The following KITLG variants were observed in gnomAD, a reference collection of about 807,000 sequenced individuals.
KITLG encodes KIT ligand.
Under a neutral mutation model 34.1 loss-of-function variants are expected in KITLG, and 13 were observed. That is an observed-to-expected ratio of 0.38 (90% CI 0.25 to 0.61). KITLG has a LOEUF of 0.61. Ranked by LOEUF, KITLG falls within the 20% of genes least tolerant of loss-of-function variation. The pLI is 0.60. For missense variants in KITLG, 292 were observed against 318.9 expected, an observed-to-expected ratio of 0.92 and a Z score of 0.64; for synonymous variants, 110 against 104.0, an observed-to-expected ratio of 1.06 and a Z score of -0.35.
chr12:88,505,514 T>C (rs891164988), intron 8 of KITLG, among the ~76,000 whole-genome samples: 2 of 152,146 alleles, frequency 1.3e-5, no homozygotes, highest in Non-Finnish European at 2.9e-5. Flanking sequence ...TGTGTATACA[T>C]ACAGGCATGA....
At position 88,537,748 on chromosome 12, in the gene KITLG, T is replaced by C. The variant is rs182103738; in HGVS notation, c.130-5245A>G. Among the ~76,000 whole-genome samples the C allele has an allele frequency of 8.5e-5, 13 of 152,232 alleles. 1 individual carries two copies. The East Asian group carries it at 2.1e-3, about 25-fold the overall frequency. On this transcript the variant is annotated intron_variant, in intron 2 of 9. Coordinates refer to ENST00000644744, the MANE Select transcript of KITLG (RefSeq NM_000899.5). ...GTAGGAAATATTCAACCCCGTAGTA[T>C]ATTGACTCACCTTCCAGAAAGCACA...
At chr12:88,505,980 GAC>G (rs906189444) in intron 8 of KITLG, among the ~76,000 whole-genome samples, 5 of 152,320 alleles carry the variant, frequency 3.3e-5, no homozygotes, top group South Asian at 4.1e-4. Context: ...GTGTGGAAAA[GAC>G]AGAACATGAG....
chr12:88,494,783 G>T lies in KITLG; in HGVS notation c.*2436C>A, dbSNP rs937028284. ...TCCAAGATGGAACTGTCAGATACATGGCACCAACTGAAAAGGCGATTTCAT... is the reference window on the plus strand; with the variant it reads ...TCCAAGATGGAACTGTCAGATACATTGCACCAACTGAAAAGGCGATTTCAT... On this transcript the variant is annotated 3_prime_UTR_variant, in exon 10 of 10. Coordinates refer to ENST00000644744, the MANE Select transcript of KITLG (RefSeq NM_000899.5). The T allele has an allele frequency of 2.6e-5, 4 of 152,098 alleles. No homozygotes were observed. The highest frequency in any genetic ancestry group is 9.7e-5 in the African/African-American group (4 of 41,400). 9.4% of individuals were successfully genotyped at this position (152,098 alleles called of 1,614,324 possible). A position where few individuals can be genotyped will look rare whatever the true frequency, so the allele number is the denominator to read the frequency against.
chr12:88,526,454 G>C (rs1176255713), intron 3 of KITLG, among the ~76,000 whole-genome samples: 1 of 152,076 alleles, frequency 6.6e-6, no homozygotes, highest in Admixed American at 6.6e-5. Flanking sequence ...TATATGGTAG[G>C]GAAATTTTCT....
chr12:88,555,221 C>A (rs1309905217), intron 1 of KITLG, among the ~76,000 whole-genome samples: 1 of 152,116 alleles, frequency 6.6e-6, no homozygotes, highest in Non-Finnish European at 1.5e-5. Flanking sequence ...AATAATCAGT[C>A]CTCGTTCTAC....
intron 3 of KITLG, among the ~76,000 whole-genome samples, chr12:88,519,990 C>G (rs117945932): frequency 6.6e-6 from 1 of 152,236 alleles, no homozygotes; most frequent in Non-Finnish European, 1.5e-5. Flanking sequence ...AACTGTTTTA[C>G]TTAATATAAT....
chr12:88,535,459 A>G (rs1448257172), intron 2 of KITLG, among the ~76,000 whole-genome samples: 1 of 152,192 alleles, frequency 6.6e-6, no homozygotes, highest in Non-Finnish European at 1.5e-5. Flanking sequence ...ATGGAAACTC[A>G]GAGAGGTTAA....
At chr12:88,555,491 C>T (rs988934436) in intron 1 of KITLG, among the ~76,000 whole-genome samples, 1 of 152,034 alleles carries the variant, frequency 6.6e-6, no homozygotes, top group African/African-American at 2.4e-5. Context: ...AAATACTAGG[C>T]CAGTTAGATA....
chr12:88,529,465 T>C (rs1319845124), intron 3 of KITLG, among the ~76,000 whole-genome samples: 1 of 152,202 alleles, frequency 6.6e-6, no homozygotes, highest in Admixed American at 6.5e-5. Flanking sequence ...CTGCTATTTG[T>C]GAGACAGAAT....
chr12:88,570,080 C>G (rs1387578866), intron 1 of KITLG, among the ~76,000 whole-genome samples: 1 of 152,114 alleles, frequency 6.6e-6, no homozygotes, highest in Non-Finnish European at 1.5e-5. Context: ...GATAAAAGTA[C>G]TTTCTGAAGT....
intron 1 of KITLG, among the ~76,000 whole-genome samples, chr12:88,557,773 T>C (rs773399723): frequency 6.6e-6 from 1 of 152,154 alleles, no homozygotes; most frequent in Non-Finnish European, 1.5e-5. Flanking sequence ...ATGAAAGTTC[T>C]GAAATCTGCA....
At chr12:88,560,548 G>A (rs1021462543) in intron 1 of KITLG, among the ~76,000 whole-genome samples, 1 of 152,178 alleles carries the variant, frequency 6.6e-6, no homozygotes, top group Non-Finnish European at 1.5e-5. Context: ...TTCCAAGCAG[G>A]CAGGCTCTTT....
At chr12:88,556,902 T>G (rs1217909574) in intron 1 of KITLG, among the ~76,000 whole-genome samples, 1 of 152,158 alleles carries the variant, frequency 6.6e-6, no homozygotes, top group African/African-American at 2.4e-5. Flanking sequence ...AATATGATGT[T>G]TACTAAAGAG....
intron 6 of KITLG, among the ~76,000 whole-genome samples, chr12:88,511,444 C>T (rs566922355): frequency 6.6e-6 from 1 of 152,218 alleles, no homozygotes; most frequent in African/African-American, 2.4e-5. Context: ...AGACAGAGTT[C>T]AAACAAGGAC....
chr12:88,558,119 G>A (rs1361408782), intron 1 of KITLG, among the ~76,000 whole-genome samples: 1 of 152,130 alleles, frequency 6.6e-6, no homozygotes, highest in Non-Finnish European at 1.5e-5. Context: ...CCCAATCTGA[G>A]ACTGAATGCC....
chr12:88,519,870 C>G (rs1869595647), intron 3 of KITLG, among the ~76,000 whole-genome samples: 1 of 152,140 alleles, frequency 6.6e-6, no homozygotes, highest in South Asian at 2.1e-4. Flanking sequence ...GCAATCCTCC[C>G]TCCTCAGCAT....
chr12:88,580,452 C>G lies in KITLG; in HGVS notation c.-174G>C, dbSNP rs563604597. The G allele has an allele frequency of 7.5e-5, 59 of 782,150 alleles. No homozygotes were observed. In the African/African-American group the frequency reaches 8.8e-4, roughly 12 times the overall value. The allele number at this position is 782,150 out of a possible 1,614,324, so 48.5% of individuals were successfully genotyped here. Reference sequence around the variant, plus strand: ...CTTCCCGCAGCGCTTCTAGTCTCGGCGCGAGGCGGCGAGCGAAGCCCGGCT... The same window carrying G: ...CTTCCCGCAGCGCTTCTAGTCTCGGGGCGAGGCGGCGAGCGAAGCCCGGCT... On this transcript the variant is annotated 5_prime_UTR_variant, in exon 1 of 10. Coordinates refer to ENST00000644744, the MANE Select transcript of KITLG (RefSeq NM_000899.5).
chr12:88,509,406 C>A (rs1179107617), intron 6 of KITLG, among the ~76,000 whole-genome samples: 1 of 152,174 alleles, frequency 6.6e-6, no homozygotes, highest in Non-Finnish European at 1.5e-5. Flanking sequence ...CTTTCTCAGG[C>A]AGAAGGATAG....
At chr12:88,534,914 T>A (rs1003385547) in intron 2 of KITLG, among the ~76,000 whole-genome samples, 5 of 152,156 alleles carry the variant, frequency 3.3e-5, no homozygotes, top group Non-Finnish European at 7.3e-5. Flanking sequence ...GTGAAAGCGA[T>A]AAGTAAGCAG....
Sources: allele counts gnomAD v4.1 joint callset (sites outside exome capture counted in the v4.1 genomes callset), GRCh38; gene constraint gnomAD v4.1.1; transcripts MANE v1.5; gene names NCBI Gene and HGNC (gene_info 2026-07-23, HGNC 2026-07-21).